The following ZDHHC14 variants were observed in gnomAD, a reference collection of about 807,000 sequenced individuals.
ZDHHC14 encodes zDHHC palmitoyltransferase 14.
ZDHHC14 carries 16 observed loss-of-function variants against 47.7 expected under a neutral mutation model. The observed-to-expected ratio is 0.34, with a 90% CI of 0.23 to 0.51. The LOEUF is 0.51. ZDHHC14 is among the 20% of genes least tolerant of loss of function. The pLI, the probability that ZDHHC14 is intolerant of heterozygous loss-of-function variation, is 0.97. For synonymous variants in ZDHHC14, 293 were observed against 278.9 expected, an observed-to-expected ratio of 1.05 and a Z score of -0.50; for missense variants, 515 against 662.5, an observed-to-expected ratio of 0.78 and a Z score of 2.44.
At chr6:157,396,676 G>A (rs1275154978) in intron 1 of ZDHHC14, among the ~76,000 whole-genome samples, 1 of 152,166 alleles carries the variant, frequency 6.6e-6, no homozygotes, top group African/African-American at 2.4e-5. Flanking sequence ...TTGTGTTTGT[G>A]TTCTTATTCC....
At chr6:157,665,866 T>A (rs1289298493) in intron 8 of ZDHHC14, among the ~76,000 whole-genome samples, 1 of 152,154 alleles carries the variant, frequency 6.6e-6, no homozygotes, top group African/African-American at 2.4e-5. Flanking sequence ...CAATGTGACA[T>A]CTAAAGCAAT....
chr6:157,520,217 G>A (rs975734762), intron 1 of ZDHHC14, among the ~76,000 whole-genome samples: 1 of 152,152 alleles, frequency 6.6e-6, no homozygotes, highest in African/African-American at 2.4e-5. Context: ...CAGGGGAGGA[G>A]CCTCCAGGAA....
In ZDHHC14 at chr6:157,427,713, T is replaced by C. The variant is rs1583635778; in HGVS notation, c.245+45447T>C. Among the ~76,000 whole-genome samples the C allele has an allele frequency of 6.6e-6, 1 of 152,252 alleles. No individual in the cohort carries two copies. The stretch of plus-strand genomic sequence containing the variant: ...GGATTTTCTTTTCAGAAATGGCAGA[T>C]GCGCTAGGGCTGTTCCTCCTGGAGT... On this transcript the variant is annotated intron_variant, in intron 1 of 8. Transcript: ENST00000359775. The surrounding 1 kb of genome is among the most constrained non-coding windows in gnomAD (Gnocchi z 4.4).
rs140520564 is a variant in ZDHHC14, at chr6:157,615,297, C to A, written c.566-13052C>A. ...AGCACACTGTATTTAGAGCTCCAGA[C>A]GTCTGTGCGGACCCAAGTCTGCTGG... On this transcript the variant is annotated intron_variant, in intron 3 of 8. Coordinates refer to ENST00000359775, the MANE Select transcript of ZDHHC14 (RefSeq NM_024630.3). Among the ~76,000 whole-genome samples, 11 of 152,306 alleles carry A rather than the reference C, an allele frequency of 7.2e-5. No homozygotes were observed. In the East Asian group the frequency reaches 1.5e-3, roughly 21 times the overall value.
At chr6:157,540,002 A>G (rs1289738566) in intron 1 of ZDHHC14, among the ~76,000 whole-genome samples, 1 of 152,180 alleles carries the variant, frequency 6.6e-6, no homozygotes, top group Non-Finnish European at 1.5e-5. Flanking sequence ...TCCCAGGGAA[A>G]CACAGACAGA....
At chr6:157,530,371 C>T (rs1781319048) in intron 1 of ZDHHC14, among the ~76,000 whole-genome samples, 1 of 152,108 alleles carries the variant, frequency 6.6e-6, no homozygotes, top group African/African-American at 2.4e-5. Context: ...GGATAATAGT[C>T]GATACCACGG....
At chr6:157,567,306 C>T (rs888136603) in intron 2 of ZDHHC14, among the ~76,000 whole-genome samples, 5 of 152,066 alleles carry the variant, frequency 3.3e-5, no homozygotes, top group African/African-American at 1.2e-4. Flanking sequence ...TTCCGGGAGC[C>T]CCATCTGACT....
chr6:157,578,415 C>A (rs529484051), intron 2 of ZDHHC14, among the ~76,000 whole-genome samples: 8 of 152,284 alleles, frequency 5.3e-5, no homozygotes, highest in Non-Finnish European at 1.2e-4. Context: ...CTATGACTAG[C>A]CAGTTAGTCC....
intron 2 of ZDHHC14, among the ~76,000 whole-genome samples, chr6:157,589,176 G>C (rs918192329): frequency 6.6e-6 from 1 of 152,134 alleles, no homozygotes; most frequent in Non-Finnish European, 1.5e-5. Context: ...GCCAGAGCAG[G>C]AGGAAGAGGG....
At chr6:157,468,124 G>A (rs1434669155) in intron 1 of ZDHHC14, among the ~76,000 whole-genome samples, 1 of 152,184 alleles carries the variant, frequency 6.6e-6, no homozygotes, top group Non-Finnish European at 1.5e-5. Flanking sequence ...CTGAGTTAGA[G>A]CAAAGGGCAG....
At chr6:157,520,505 A>G (rs1326722029) in intron 1 of ZDHHC14, among the ~76,000 whole-genome samples, 2 of 152,230 alleles carry the variant, frequency 1.3e-5, no homozygotes, top group Non-Finnish European at 2.9e-5. Context: ...ACTGAACAAT[A>G]TGTTTGCATG....
At chr6:157,498,718 T>C (rs1195327216) in intron 1 of ZDHHC14, among the ~76,000 whole-genome samples, 1 of 152,254 alleles carries the variant, frequency 6.6e-6, no homozygotes, top group Non-Finnish European at 1.5e-5. Context: ...ATACTGTCTC[T>C]TGTCCTGCTT....
At chr6:157,408,613 C>T (rs1777814522) in intron 1 of ZDHHC14, among the ~76,000 whole-genome samples, 1 of 152,182 alleles carries the variant, frequency 6.6e-6, no homozygotes, top group African/African-American at 2.4e-5. Context: ...CAGCTCCATC[C>T]ATGTGCCTGC....
intron 8 of ZDHHC14, among the ~76,000 whole-genome samples, 167 bp from the exon 9 acceptor site, chr6:157,672,557 C>A (rs1778843540): frequency 6.6e-6 from 1 of 152,138 alleles, no homozygotes; most frequent in African/African-American, 2.4e-5. Flanking sequence ...TCCCAATGCA[C>A]CTGGACCACT....
intron 8 of ZDHHC14, among the ~76,000 whole-genome samples, chr6:157,665,807 A>G (rs1778530146): frequency 6.6e-6 from 1 of 152,116 alleles, no homozygotes; most frequent in Non-Finnish European, 1.5e-5. Flanking sequence ...TGCCTATGAA[A>G]TTTTCTCTCT....
intron 1 of ZDHHC14, among the ~76,000 whole-genome samples, chr6:157,449,325 C>T (rs368505124): frequency 1.4e-4 from 21 of 152,200 alleles, no homozygotes; most frequent in Admixed American, 5.9e-4. Flanking sequence ...GAATACTATA[C>T]GCGGTATATT....
chr6:157,432,083 A>T (rs1428435017), intron 1 of ZDHHC14, among the ~76,000 whole-genome samples: 1 of 152,102 alleles, frequency 6.6e-6, no homozygotes, highest in Non-Finnish European at 1.5e-5. Context: ...GACCTTTAGA[A>T]ATGCTCAGCC....
Position 157,397,503 on chromosome 6 carries a change from G to A in ZDHHC14, c.245+15237G>A, listed in dbSNP as rs567548135. 5.9e-5 allele frequency among the ~76,000 whole-genome samples: 9 copies of A among 152,194 alleles called. No individual in the cohort carries two copies. The South Asian group carries it at 1.7e-3, about 28-fold the overall frequency. ...CCATCCTCAAAGCCAGCGAGGCTCC[G>A]TGTCTTCCTTCCATCATCACACCTC... On this transcript the variant is annotated intron_variant, in intron 1 of 8. Coordinates refer to ENST00000359775, the MANE Select transcript of ZDHHC14 (RefSeq NM_024630.3).
At chr6:157,632,703 G>A in intron 4 of ZDHHC14, 131 bp from the exon 5 acceptor site, 1 of 882,258 alleles carries the variant, frequency 1.1e-6, no homozygotes, top group Non-Finnish European at 1.9e-6. Flanking sequence ...GGTAAACTGG[G>A]TGTCGTAGCA....
Sources: allele counts gnomAD v4.1 joint callset (sites outside exome capture counted in the v4.1 genomes callset), GRCh38; gene constraint gnomAD v4.1.1; non-coding constraint Gnocchi (gnomAD v3.1); transcripts MANE v1.5; gene names NCBI Gene and HGNC (gene_info 2026-07-23, HGNC 2026-07-21).